AKAP13: variants seen among roughly 807,000 people sequenced by gnomAD.
AKAP13 encodes the protein A-kinase anchor protein 13.
AKAP13 carries 80 observed loss-of-function variants against 264.5 expected under a neutral mutation model. The ratio of observed to expected loss-of-function variants is 0.30; its 90% CI spans 0.25 to 0.36. The LOEUF (loss-of-function observed/expected upper bound fraction) is 0.36, where lower values mean the gene tolerates loss of function less well. Ranked by LOEUF, AKAP13 falls within the 10% of genes least tolerant of loss-of-function variation. The pLI is 1.00. For synonymous variants in AKAP13, 1,380 were observed against 1,250.2 expected, an observed-to-expected ratio of 1.10 and a Z score of -2.19; for missense variants, 3,712 against 3,435.2, an observed-to-expected ratio of 1.08 and a Z score of -2.01.
At chr15:85,431,961 T>A (rs1157340891) in intron 1 of AKAP13, among the ~76,000 whole-genome samples, 2 of 152,124 alleles carry the variant, frequency 1.3e-5, no homozygotes, top group Non-Finnish European at 2.9e-5. Context: ...GTTGCTGTAG[T>A]TGTGCAGATC....
intron 1 of AKAP13, among the ~76,000 whole-genome samples, chr15:85,410,217 G>A (rs1208673612): frequency 3.3e-5 from 5 of 151,226 alleles, no homozygotes; most frequent in East Asian, 1.9e-4. Flanking sequence ...TGACTTCCCC[G>A]GGCTGGTCGC....
At chr15:85,442,421 A>ATATAT (rs370698661) in intron 1 of AKAP13, among the ~76,000 whole-genome samples, 1,586 of 114,742 alleles carry the variant, frequency 0.014, 48 homozygotes, top group Non-Finnish European at 0.022. Context: ...AAAAAAAAAA[A>ATATAT]AAATATATAT....
intron 17 of AKAP13, among the ~76,000 whole-genome samples, chr15:85,707,559 A>G (rs1201104341): frequency 2.6e-5 from 4 of 152,204 alleles, no homozygotes; most frequent in Non-Finnish European, 5.9e-5. Context: ...GGGCTTTATT[A>G]ATGTATTTAT....
chr15:85,631,734 G>T (rs2081836404), intron 8 of AKAP13, among the ~76,000 whole-genome samples: 1 of 152,172 alleles, frequency 6.6e-6, no homozygotes, highest in African/African-American at 2.4e-5. Flanking sequence ...AACCAGTGAG[G>T]AAGGGAGTGG....
At chr15:85,471,752 A>T (rs1377289307) in intron 1 of AKAP13, among the ~76,000 whole-genome samples, 1 of 152,218 alleles carries the variant, frequency 6.6e-6, no homozygotes, top group African/African-American at 2.4e-5. Flanking sequence ...AGAATTGCAT[A>T]AGAATGGGAT....
intron 6 of AKAP13, among the ~76,000 whole-genome samples, chr15:85,575,849 G>A (rs1167929817): frequency 6.6e-6 from 1 of 152,238 alleles, no homozygotes; most frequent in Non-Finnish European, 1.5e-5. Context: ...AGCTGGGCAT[G>A]GTGGCGTACG....
chr15:85,671,491 G>A (rs1043531144), intron 14 of AKAP13, among the ~76,000 whole-genome samples: 1 of 147,516 alleles, frequency 6.8e-6, no homozygotes, highest in Non-Finnish European at 1.5e-5. Context: ...GGGTGATTCT[G>A]TTAACTTTTT....
intron 2 of AKAP13, among the ~76,000 whole-genome samples, chr15:85,492,501 T>G (rs1055107572): frequency 1.3e-5 from 2 of 152,256 alleles, no homozygotes; most frequent in Admixed American, 6.5e-5. Flanking sequence ...TACATATTTT[T>G]ATTTATTTTA....
chr15:85,560,471 G>A (rs1213670672), intron 5 of AKAP13, among the ~76,000 whole-genome samples: 1 of 152,072 alleles, frequency 6.6e-6, no homozygotes, highest in Non-Finnish European at 1.5e-5. Context: ...TAATAATTAA[G>A]TTGTACATAA....
At chr15:85,504,694 CAAAAA>C (rs60149423) in intron 2 of AKAP13, among the ~76,000 whole-genome samples, 27 of 105,744 alleles carry the variant, frequency 2.6e-4, no homozygotes, top group Non-Finnish European at 4.5e-4. Flanking sequence ...ACCCTGTCTC[CAAAAA>C]AAAAAAAAAA....
At chr15:85,652,808 T>C (rs2082918125) in intron 10 of AKAP13, among the ~76,000 whole-genome samples, 1 of 152,188 alleles carries the variant, frequency 6.6e-6, no homozygotes, top group Non-Finnish European at 1.5e-5. Context: ...CTCCAATCTC[T>C]CCTCTGCCTT....
At chr15:85,586,927 C>CA (rs571250173) in intron 8 of AKAP13, among the ~76,000 whole-genome samples, 2,620 of 73,832 alleles carry the variant, frequency 0.035, 57 homozygotes, top group African/African-American at 0.085. Context: ...GACACCTTCT[C>CA]AAAAAAAAAA....
At chr15:85,734,295 C>G (rs529245166) in intron 30 of AKAP13, among the ~76,000 whole-genome samples, 5 of 152,278 alleles carry the variant, frequency 3.3e-5, no homozygotes, top group Non-Finnish European at 7.4e-5. Flanking sequence ...TTCTATTGCT[C>G]ATTTTTATGT....
intron 1 of AKAP13, among the ~76,000 whole-genome samples, chr15:85,451,729 G>C (rs958091637): frequency 1.3e-5 from 2 of 152,236 alleles, no homozygotes; most frequent in South Asian, 4.1e-4. Flanking sequence ...TCTGCTGAGA[G>C]ATCCACTGTT....
In AKAP13 at chr15:85,579,089, T is replaced by C. The variant is rs2079108075; in HGVS notation, c.1021T>C (p.Cys341Arg). Residue 341 changes from cysteine (C) to arginine (R), a missense_variant, in exon 7 of 37, where the codon TGC (cysteine) becomes CGC (arginine). By Grantham distance (180) the Cys-to-Arg change is radical. Around this residue, in one of 3 missense-constraint regions of AKAP13, gnomAD observed 2,759 missense variants for 2,411.7 expected, o/e 1.14. Coordinates refer to ENST00000394518, the MANE Select transcript of AKAP13 (RefSeq NM_007200.5). ...SSSEETESTQ[C>R]CPGSPVAQTE... Reference sequence around the variant, plus strand: ...TTCTGAAGAGACTGAGAGCACTCAGTGCTGCCCAGGGAGCCCTGTTGCACA... The same window carrying C: ...TTCTGAAGAGACTGAGAGCACTCAGCGCTGCCCAGGGAGCCCTGTTGCACA... The C allele has an allele frequency of 1.2e-6, 2 of 1,614,070 alleles. No individual in the cohort carries two copies. Among genetic ancestry groups the C allele is most frequent in the South Asian group, 2.2e-5 (2 of 91,088 alleles).
At chr15:85,561,704 A>G (rs1427790084) in intron 5 of AKAP13, among the ~76,000 whole-genome samples, 1 of 152,170 alleles carries the variant, frequency 6.6e-6, no homozygotes, top group Non-Finnish European at 1.5e-5. Flanking sequence ...AGGTAGGACT[A>G]AAAAATACAA....
intron 17 of AKAP13, among the ~76,000 whole-genome samples, chr15:85,697,510 A>G (rs949832079): frequency 6.6e-6 from 1 of 152,202 alleles, no homozygotes; most frequent in Admixed American, 6.5e-5. Context: ...CGGAGGTTGC[A>G]GTGAGCTGAG....
intron 1 of AKAP13, among the ~76,000 whole-genome samples, chr15:85,441,006 T>C (rs1262106437): frequency 6.6e-6 from 1 of 152,208 alleles, no homozygotes; most frequent in Non-Finnish European, 1.5e-5. Context: ...CTGATGTCAT[T>C]GGTGTCATTC....
In AKAP13 at chr15:85,655,567, G is replaced by A. The variant is rs1346295638; in HGVS notation, c.4525G>A (p.Asp1509Asn). ...CAGGTCAAGAGATCGGCAAAGCCTT[G>A]ATGGATTCTACAGCCATGGGATGGG... ...PNRSRDRQSL[D>N]GFYSHGMGAE... The change falls in exon 11 of 37, where the codon GAT (aspartate) becomes AAT (asparagine). Residue 1509 changes from aspartate to asparagine, a missense_variant. By Grantham distance (23) the Asp-to-Asn change is conservative. Coordinates refer to ENST00000394518, the MANE Select transcript of AKAP13 (RefSeq NM_007200.5). The A allele has an allele frequency of 1.2e-6, 2 of 1,614,088 alleles. No individual in the cohort carries two copies. The highest frequency in any genetic ancestry group is 1.7e-5 in the Admixed American group (1 of 60,010).
Sources: gnomAD v4.1 joint callset for allele counts (sites outside exome capture counted in the v4.1 genomes callset) on GRCh38, gnomAD v4.1.1 for gene constraint, gnomAD v4.1.1 regional missense constraint, MANE v1.5 for transcripts, NCBI Gene and HGNC (gene_info 2026-07-23, HGNC 2026-07-21) for gene names.